ROCK2: variants seen among roughly 807,000 people sequenced by gnomAD.
ROCK2 encodes rho-associated protein kinase 2.
In ROCK2, 61 loss-of-function variants were observed where a neutral mutation model predicts 195.1. The observed-to-expected ratio is 0.31, with a 90% CI of 0.25 to 0.39. The LOEUF is 0.39. Among genes scored for constraint, ROCK2 ranks in the 10% least tolerant of loss-of-function variants. The pLI is 1.00. For synonymous variants in ROCK2, 504 were observed against 545.5 expected (o/e 0.92, Z 1.06); for missense variants, 1,109 against 1,637.4 (o/e 0.68, Z 5.57).
rs1665262621 is a variant in ROCK2 at position 11,237,766 on chromosome 2, A to G, written c.463-1804T>C. On this transcript the variant is annotated intron_variant, in intron 4 of 32. Coordinates refer to ENST00000315872, the MANE Select transcript of ROCK2 (RefSeq NM_004850.5). ...AGACCATTTTCAAAAAAATTATTCA[A>G]GAATATAGTTTGACAAAATGAAGAA... is the stretch of plus-strand genomic sequence containing the variant. 2.6e-5 allele frequency among the ~76,000 whole-genome samples: 4 copies of G among 152,242 alleles called. No homozygotes were observed. The South Asian group carries it at 8.3e-4, about 31-fold the overall frequency.
At chr2:11,208,601 CTTT>C (rs34964630) in intron 18 of ROCK2, among the ~76,000 whole-genome samples, 154 bp from the exon 19 acceptor site, 7 of 140,202 alleles carry the variant, frequency 5.0e-5, no homozygotes, top group Admixed American at 7.2e-5. Flanking sequence ...TTTTTCTTTT[CTTT>C]TTTTTTTTTT....
chr2:11,252,005 G>A (rs1665845442), intron 3 of ROCK2, among the ~76,000 whole-genome samples: 2 of 152,112 alleles, frequency 1.3e-5, no homozygotes, highest in Admixed American at 1.3e-4. Context: ...TAAAAAGTCA[G>A]GAAACAATAG....
At chr2:11,239,125 C>A (rs1665333471) in intron 4 of ROCK2, among the ~76,000 whole-genome samples, 1 of 151,940 alleles carries the variant, frequency 6.6e-6, no homozygotes, top group East Asian at 1.9e-4. Flanking sequence ...TAAAAAAACA[C>A]AGGAGAATAT....
chr2:11,327,495 A>C (rs531717409), intron 1 of ROCK2, among the ~76,000 whole-genome samples: 1 of 152,328 alleles, frequency 6.6e-6, no homozygotes, highest in African/African-American at 2.4e-5. Flanking sequence ...ATTCACCACG[A>C]ATGGTGGCAA....
At chr2:11,204,689 G>C (rs533460512) in intron 20 of ROCK2, among the ~76,000 whole-genome samples, 9 of 152,126 alleles carry the variant, frequency 5.9e-5, no homozygotes, top group African/African-American at 1.7e-4. Context: ...AATTTATATT[G>C]GCAGTAATTA....
intron 1 of ROCK2, among the ~76,000 whole-genome samples, chr2:11,312,712 T>C (rs1203649541): frequency 6.6e-6 from 1 of 152,064 alleles, no homozygotes; most frequent in Non-Finnish European, 1.5e-5. Flanking sequence ...GCTTTATAAT[T>C]GCCAAAAACT....
At chr2:11,317,089 T>C (rs1297832041) in intron 1 of ROCK2, among the ~76,000 whole-genome samples, 1 of 152,116 alleles carries the variant, frequency 6.6e-6, no homozygotes, top group Non-Finnish European at 1.5e-5. Flanking sequence ...GAGTTTATGG[T>C]GGTGTTCAAC....
At chr2:11,261,678 G>T (rs12996712) in intron 3 of ROCK2, among the ~76,000 whole-genome samples, 67,117 of 151,822 alleles carry the variant, frequency 0.44, 16,932 homozygotes, top group Non-Finnish European at 0.55. Flanking sequence ...TTAGGCGGGC[G>T]TGGTGGCAGG....
At chr2:11,305,046 AT>A (rs59819752) in intron 1 of ROCK2, among the ~76,000 whole-genome samples, 129,655 of 151,868 alleles carry the variant, frequency 0.85, 55,815 homozygotes, top group East Asian at 0.99. Flanking sequence ...CTGGAACTAG[AT>A]TGTATCAATA....
At chr2:11,338,760 CAAT>C (rs1669012871) in intron 1 of ROCK2, among the ~76,000 whole-genome samples, 1 of 151,986 alleles carries the variant, frequency 6.6e-6, no homozygotes, top group Non-Finnish European at 1.5e-5. Flanking sequence ...GACAATTCAA[CAAT>C]GAGAAAAAGG....
intron 3 of ROCK2, among the ~76,000 whole-genome samples, chr2:11,280,031 A>C (rs1377938769): frequency 6.6e-6 from 1 of 152,234 alleles, no homozygotes; most frequent in African/African-American, 2.4e-5. Flanking sequence ...CAGTGAAAGC[A>C]GTGCTTAATG....
chr2:11,184,021 TTTAAC>T (rs1663102910), intron 32 of ROCK2, among the ~76,000 whole-genome samples: 1 of 152,188 alleles, frequency 6.6e-6, no homozygotes, highest in African/African-American at 2.4e-5. Context: ...ATGTAAAAGG[TTTAAC>T]TTGAGGCTCA....
chr2:11,208,508 T>C (rs996103689), intron 18 of ROCK2, 61 bp from the exon 19 acceptor site: 13 of 1,033,108 alleles, frequency 1.3e-5, no homozygotes, highest in Non-Finnish European at 1.6e-5. Flanking sequence ...TATCATAAAT[T>C]TGTAAGTAAA....
chr2:11,276,888 A>G (rs1345495575), intron 3 of ROCK2, among the ~76,000 whole-genome samples: 1 of 151,906 alleles, frequency 6.6e-6, no homozygotes, highest in African/African-American at 2.4e-5. Context: ...GGTATTTTAC[A>G]CCCCCCGTGA....
At chr2:11,304,698 C>T (rs1416523460) in intron 1 of ROCK2, among the ~76,000 whole-genome samples, 1 of 152,188 alleles carries the variant, frequency 6.6e-6, no homozygotes, top group African/African-American at 2.4e-5. Flanking sequence ...TCGCATCCAC[C>T]TAGTTATTAA....
chr2:11,197,836 G>T lies in ROCK2; in HGVS notation c.3100-131C>A. On this transcript the variant is annotated intron_variant, in intron 25 of 32. Transcript: ENST00000315872. This position sits in a 1 kb window ranked among gnomAD's most constrained non-coding sequence, Gnocchi z 4.9. ...CCTTCCCTACATACAGGGCTACAAA[G>T]AAACACTTTCTATAATATTTAAATA... 1 of 470,596 alleles carries T rather than the reference G, an allele frequency of 2.1e-6. No individual in the cohort carries two copies. The highest frequency in any genetic ancestry group is 3.4e-6 in the Non-Finnish European group (1 of 291,652). The allele number at this position is 470,596 out of a possible 1,614,324, so 29.2% of individuals were successfully genotyped here. A position where few individuals can be genotyped will look rare whatever the true frequency, so the allele number is the denominator to read the frequency against.
chr2:11,305,444 TACAC>T (rs59533265), intron 1 of ROCK2, among the ~76,000 whole-genome samples: 1,568 of 150,456 alleles, frequency 0.01, 23 homozygotes, highest in African/African-American at 0.032. Flanking sequence ...TGTGTGGGTG[TACAC>T]ACACACACAC....
At chr2:11,267,434 T>G (rs1193443123) in intron 3 of ROCK2, among the ~76,000 whole-genome samples, 1 of 151,700 alleles carries the variant, frequency 6.6e-6, no homozygotes, top group Non-Finnish European at 1.5e-5. Context: ...TCAACTGTCA[T>G]GTCATCTAAT....
intron 1 of ROCK2, 112 bp downstream of exon 1, chr2:11,343,884 G>A: frequency 7.5e-7 from 1 of 1,334,278 alleles, no homozygotes; most frequent in Non-Finnish European, 1.0e-6. Context: ...AGCAGGGCGG[G>A]GTGGGGCAAG....
Sources: gnomAD v4.1 joint callset for allele counts (sites outside exome capture counted in the v4.1 genomes callset) on GRCh38, gnomAD v4.1.1 for gene constraint, Gnocchi (gnomAD v3.1) non-coding constraint, MANE v1.5 for transcripts, NCBI Gene and HGNC (gene_info 2026-07-23, HGNC 2026-07-21) for gene names.